The following EMC9 variants were observed in gnomAD, a reference collection of about 807,000 sequenced individuals.
The protein encoded by EMC9 is ER membrane protein complex subunit 9, also known as UPF0172 protein FAM158A.
A neutral mutation model predicts 25.0 loss-of-function variants in EMC9; 20 were observed. That is an observed-to-expected ratio of 0.80 (90% CI 0.56 to 1.16). EMC9 has a LOEUF of 1.16. EMC9 is among the 50% of genes most tolerant of loss of function. EMC9 has a pLI of 0.00. For missense variants in EMC9, 256 were observed against 268.7 expected (o/e 0.95, Z 0.33); for synonymous variants, 100 against 107.0 (o/e 0.93, Z 0.40).
rs2038001449 is a variant in EMC9, at chr14:24,139,623, A to AG, written c.276-10dup. The AG allele has an allele frequency of 1.9e-6, 3 of 1,613,186 alleles. No individual in the cohort carries two copies. The highest frequency in any genetic ancestry group is 4.5e-5 in the East Asian group (2 of 44,882). ...AGGCCAGGGGCCCAGGGCTGTGTAGAGGGAAGATCAGAGGAGTGAGGAGCC... is the reference window on the plus strand; with the variant it reads ...AGGCCAGGGGCCCAGGGCTGTGTAGAGGGGAAGATCAGAGGAGTGAGGAGCC... On this transcript the variant is annotated splice_polypyrimidine_tract_variant and intron_variant, in intron 3 of 5. Coordinates refer to ENST00000216799, the MANE Select transcript of EMC9 (RefSeq NM_016049.4). The surrounding 1 kb of genome is among the most constrained non-coding windows in gnomAD (Gnocchi z 4.6).
At position 24,139,985 on chromosome 14, in the gene EMC9, A is replaced by C; in HGVS notation, c.276-371T>G. On this transcript the variant is annotated intron_variant, in intron 3 of 5. Coordinates refer to ENST00000216799, the MANE Select transcript of EMC9 (RefSeq NM_016049.4). This position sits in a 1 kb window ranked among gnomAD's most constrained non-coding sequence, Gnocchi z 4.6. ...GTAATAAAACACTGGAAACAACCTC[A>C]ATGTTTAAAGTATTAAATAAATTAG... 1 of 395,670 alleles carries C rather than the reference A, an allele frequency of 2.5e-6. No individual in the cohort carries two copies. 24.5% of individuals were successfully genotyped at this position (395,670 alleles called of 1,614,324 possible). A position where few individuals can be genotyped will look rare whatever the true frequency, so the allele number is the denominator to read the frequency against.
At chr14:24,140,847 C>T in intron 3 of EMC9, 42 bp downstream of exon 3, 2 of 1,608,772 alleles carry the variant, frequency 1.2e-6, no homozygotes, top group Non-Finnish European at 1.7e-6. Flanking sequence ...AATCCCCAAC[C>T]CGCCATAATC....
chr14:24,141,232 C>A lies in EMC9; in HGVS notation c.73G>T (p.Ala25Ser). Residue 25 changes from alanine (A) to serine (S), a missense_variant, in exon 2 of 6, where the codon GCA becomes TCA. Physicochemically the swap from Ala to Ser is moderately conservative, Grantham distance 99. Coordinates refer to ENST00000216799, the MANE Select transcript of EMC9 (RefSeq NM_016049.4). The part of the protein sequence containing the change: ...CLHAARYPHA[A>S]VNGLFLAPAP... ...GGCGCCAAAAACAGCCCGTTGACTGCGGCGTGTGGGTACCGGGCAGCATGC... is the reference window on the plus strand; with the variant it reads ...GGCGCCAAAAACAGCCCGTTGACTGAGGCGTGTGGGTACCGGGCAGCATGC... 6.2e-7 allele frequency: 1 copy of A among 1,614,194 alleles called. No homozygotes were observed.
chr14:24,139,364 T>G lies in EMC9; in HGVS notation c.436A>C (p.Asn146His), dbSNP rs771693003. The part of the protein sequence containing the change: ...QGLRWVPKDK[N>H]LVMWRDWEES... ...TAGAGGGAGTGGGGTACTCACAAGT[T>G]CTTATCCTTAGGGACCCAGCGGAGA... The change falls in exon 5 of 6, where the codon AAC becomes CAC. Residue 146 changes from asparagine to histidine, a missense_variant. Transcript: ENST00000216799. This position sits in a 1 kb window ranked among gnomAD's most constrained non-coding sequence, Gnocchi z 4.6. 3.7e-6 allele frequency: 6 copies of G among 1,613,882 alleles called. No homozygotes were observed. Among genetic ancestry groups the G allele is most frequent in the African/African-American group, 2.7e-5 (2 of 74,874 alleles).
chr14:24,139,081 A>C lies in EMC9; in HGVS notation c.556T>G (p.Trp186Gly). The C allele has an allele frequency of 6.2e-7, 1 of 1,614,112 alleles. No individual in the cohort carries two copies. Among genetic ancestry groups the C allele is most frequent in the Non-Finnish European group, 8.5e-7 (1 of 1,180,042 alleles). ...DCHLDDIRQD[W>G]TNQRLNTQIT... The stretch of plus-strand genomic sequence containing the variant: ...TGAGTGTTGAGCCGCTGGTTGGTCC[A>C]GTCCTGCCGGATGTCATCAAGGTGG... The change falls in exon 6 of 6, where the codon TGG becomes GGG. Residue 186 changes from tryptophan (W) to glycine (G), a missense_variant. By Grantham distance (184) the Trp-to-Gly change is radical. Coordinates refer to ENST00000216799, the MANE Select transcript of EMC9 (RefSeq NM_016049.4). The surrounding 1 kb of genome is among the most constrained non-coding windows in gnomAD (Gnocchi z 4.6).
rs1332290470 is a variant in EMC9, at chr14:24,141,133, C to T, written c.172G>A (p.Val58Ile). 6 of 1,613,914 alleles carry T rather than the reference C, an allele frequency of 3.7e-6. No individual in the cohort carries two copies. The highest frequency in any genetic ancestry group is 5.1e-6 in the Non-Finnish European group (6 of 1,180,050). Residue 58 changes from valine to isoleucine, a missense_variant, in exon 2 of 6, where the codon GTC becomes ATC. Val to Ile is a conservative substitution (Grantham distance 29, BLOSUM62 3). Transcript: ENST00000216799. ...TGGTTGAGGGCGACCTCCAACATGA[C>T]GGACAGGGCCAGGTGGCTGTGGAAG... Reference protein sequence around the residue: ...PLFHSHLALSVMLEVALNQVD... With the variant: ...PLFHSHLALSIMLEVALNQVD...
In EMC9 at chr14:24,139,992, A is replaced by C. The variant is rs945164023; in HGVS notation, c.276-378T>G. 62 of 387,104 alleles carry C rather than the reference A, an allele frequency of 1.6e-4. No individual in the cohort carries two copies. Among genetic ancestry groups the C allele is most frequent in the Non-Finnish European group, 2.6e-4 (51 of 197,070 alleles). The allele number at this position is 387,104 out of a possible 1,614,324, so 24.0% of individuals were successfully genotyped here. ...AACACTGGAAACAACCTCAATGTTTAAAGTATTAAATAAATTAGAGTACAT... is the reference window on the plus strand; with the variant it reads ...AACACTGGAAACAACCTCAATGTTTCAAGTATTAAATAAATTAGAGTACAT... On this transcript the variant is annotated intron_variant, in intron 3 of 5. Coordinates refer to ENST00000216799, the MANE Select transcript of EMC9 (RefSeq NM_016049.4). This position sits in a 1 kb window ranked among gnomAD's most constrained non-coding sequence, Gnocchi z 4.6.
rs2139060267 is a variant in EMC9 at position 24,141,503 on chromosome 14, C to G, written c.-78G>C. On this transcript the variant is annotated 5_prime_UTR_variant, in exon 1 of 6. Coordinates refer to ENST00000216799, the MANE Select transcript of EMC9 (RefSeq NM_016049.4). ...CGCCGGCTCCCGGCGCCCTGGGTCC[C>G]GGAGTCCGCCCCCGGCCCAGTCCAG... 4.8e-6 allele frequency: 3 copies of G among 630,922 alleles called. No individual in the cohort carries two copies. Among genetic ancestry groups the G allele is most frequent in the South Asian group, 1.9e-5 (1 of 53,618 alleles). The allele number at this position is 630,922 out of a possible 1,614,324, so 39.1% of individuals were successfully genotyped here.
In EMC9 at chr14:24,139,280, C is replaced by A. The variant is rs1411386837; in HGVS notation, c.440+80G>T. On this transcript the variant is annotated intron_variant, in intron 5 of 5. Transcript: ENST00000216799. The surrounding 1 kb of genome is among the most constrained non-coding windows in gnomAD (Gnocchi z 4.6). ...AACAGAGATTGGGTCTAGAGAAAGACCCTTGGGGCAGGGCCAAGGACAGAG... is the reference window on the plus strand; with the variant it reads ...AACAGAGATTGGGTCTAGAGAAAGAACCTTGGGGCAGGGCCAAGGACAGAG... 8.7e-6 allele frequency: 14 copies of A among 1,600,382 alleles called. No individual in the cohort carries two copies. Among genetic ancestry groups the A allele is most frequent in the Non-Finnish European group, 1.0e-5 (12 of 1,170,734 alleles).
At chr14:24,141,411 C>T in intron 1 of EMC9, 27 bp downstream of exon 1, 1 of 1,173,084 alleles carries the variant, frequency 8.5e-7, no homozygotes, top group Non-Finnish European at 1.2e-6. Flanking sequence ...TCGGCACGCT[C>T]TTTGACCCTT....
At position 24,139,090 on chromosome 14, in the gene EMC9, G is replaced by T. The variant is rs140552029; in HGVS notation, c.547C>A (p.Arg183=). The T allele has an allele frequency of 6.2e-7, 1 of 1,614,096 alleles. No individual in the cohort carries two copies. Among genetic ancestry groups the T allele is most frequent in the Non-Finnish European group, 8.5e-7 (1 of 1,180,040 alleles). The change falls in exon 6 of 6, where the codon CGG becomes AGG. Residue 183 remains arginine, a synonymous_variant. Transcript: ENST00000216799. The surrounding 1 kb of genome is among the most constrained non-coding windows in gnomAD (Gnocchi z 4.6). ...AGCCGCTGGTTGGTCCAGTCCTGCC[G>T]GATGTCATCAAGGTGGCAGTCAAAG... The part of the protein sequence containing the change: ...VDFDCHLDDI[R]QDWTNQRLNT...
At position 24,141,320 on chromosome 14, in the gene EMC9, G is replaced by A. The variant is rs773819829; in HGVS notation, c.-12-4C>T. 3 of 1,613,566 alleles carry A rather than the reference G, an allele frequency of 1.9e-6. No homozygotes were observed. Among genetic ancestry groups the A allele is most frequent in the East Asian group, 4.5e-5 (2 of 44,884 alleles). On this transcript the variant is annotated splice_polypyrimidine_tract_variant and splice_region_variant and intron_variant, in intron 1 of 5. Coordinates refer to ENST00000216799, the MANE Select transcript of EMC9 (RefSeq NM_016049.4). ...CCTCCCCCATGGCGAGCGAGGCCTG[G>A]ACGGGAAGCAGCAAGCCGGATTAGT...
Position 24,139,144 on chromosome 14 carries a change from C to T in EMC9, c.493G>A (p.Glu165Lys). The T allele has an allele frequency of 1.2e-6, 2 of 1,614,206 alleles. No individual in the cohort carries two copies. The highest frequency in any genetic ancestry group is 1.7e-6 in the Non-Finnish European group (2 of 1,180,034). Reference sequence around the variant, plus strand: ...ACAAGGTGCTGGTGGGCCCGATCTTCCAGTAGAGCTCCCACCATCTGCCGT... The same window carrying T: ...ACAAGGTGCTGGTGGGCCCGATCTTTCAGTAGAGCTCCCACCATCTGCCGT... ...ESRQMVGALL[E>K]DRAHQHLVDF... Residue 165 changes from glutamate (E) to lysine (K), a missense_variant, in exon 6 of 6, where the codon GAA becomes AAA. Coordinates refer to ENST00000216799, the MANE Select transcript of EMC9 (RefSeq NM_016049.4). The surrounding 1 kb of genome is among the most constrained non-coding windows in gnomAD (Gnocchi z 4.6).
intron 3 of EMC9, 94 bp downstream of exon 3, chr14:24,140,795 G>GCCCCCCCCCC: frequency 2.9e-6 from 3 of 1,030,706 alleles, no homozygotes; most frequent in Non-Finnish European, 4.4e-6. Context: ...GTGCGCCCCC[G>GCCCCCCCCCC]CCCCGCCCAC....
Position 24,141,448 on chromosome 14 carries a change from C to T in EMC9, c.-23G>A. 2.2e-6 allele frequency: 2 copies of T among 896,234 alleles called. No individual in the cohort carries two copies. The highest frequency in any genetic ancestry group is 3.4e-6 in the Non-Finnish European group (2 of 586,380). The allele number at this position is 896,234 out of a possible 1,614,324, so 55.5% of individuals were successfully genotyped here. A position where few individuals can be genotyped will look rare whatever the true frequency, so the allele number is the denominator to read the frequency against. On this transcript the variant is annotated 5_prime_UTR_variant, in exon 1 of 6. Coordinates refer to ENST00000216799, the MANE Select transcript of EMC9 (RefSeq NM_016049.4). ...CCCGTGCCCTCTCACTTCGGTTCGG[C>T]GACAACGCTAACTCGACTCGCAGGT...
Position 24,139,539 on chromosome 14 carries a change from C to A in EMC9, c.345+6G>T, listed in dbSNP as rs200413601. 6.2e-6 allele frequency: 10 copies of A among 1,613,176 alleles called. No individual in the cohort carries two copies. In the African/African-American group the frequency reaches 9.3e-5, roughly 15 times the overall value. Reference sequence around the variant, plus strand: ...TCACCTCCCCACCCAGAAACCCAAGCCTCACCATAATAAGTACTGCATCAG... The same window carrying A: ...TCACCTCCCCACCCAGAAACCCAAGACTCACCATAATAAGTACTGCATCAG... On this transcript the variant is annotated splice_donor_region_variant and intron_variant, in intron 4 of 5. Transcript: ENST00000216799. This position sits in a 1 kb window ranked among gnomAD's most constrained non-coding sequence, Gnocchi z 4.6.
Position 24,141,240 on chromosome 14 carries a change from G to A in EMC9, c.65C>T (p.Pro22Leu). ...AAACAGCCCGTTGACTGCGGCGTGT[G>A]GGTACCGGGCAGCATGCAGGCACAT... ...VKMCLHAARY[P>L]HAAVNGLFLA... Residue 22 changes from proline (P) to leucine (L), a missense_variant, in exon 2 of 6, where the codon CCA (proline) becomes CTA (leucine). By Grantham distance (98) the Pro-to-Leu change is moderately conservative (BLOSUM62 -3). Coordinates refer to ENST00000216799, the MANE Select transcript of EMC9 (RefSeq NM_016049.4). 2.5e-6 allele frequency: 4 copies of A among 1,614,200 alleles called. No individual in the cohort carries two copies. Among genetic ancestry groups the A allele is most frequent in the Non-Finnish European group, 3.4e-6 (4 of 1,180,034 alleles).
In EMC9 at chr14:24,141,190, C is replaced by T. The variant is rs1594364586; in HGVS notation, c.115G>A (p.Glu39Lys). 1 of 1,614,124 alleles carries T rather than the reference C, an allele frequency of 6.2e-7. No homozygotes were observed. The highest frequency in any genetic ancestry group is 8.5e-7 in the Non-Finnish European group (1 of 1,180,038). The change falls in exon 2 of 6, where the codon GAA becomes AAA. Residue 39 changes from glutamate (E) to lysine (K), a missense_variant. Coordinates refer to ENST00000216799, the MANE Select transcript of EMC9 (RefSeq NM_016049.4). The part of the protein sequence containing the change: ...LFLAPAPRSG[E>K]CLCLTDCVPL... ...ACACAGTCGGTGAGGCACAGGCATT[C>T]TCCAGACCGCGGCGCTGGCGCCAAA...
At chr14:24,141,036 G>C (rs2038047018) in intron 2 of EMC9, 71 bp from the exon 3 acceptor site, 10 of 1,613,444 alleles carry the variant, frequency 6.2e-6, no homozygotes, top group Non-Finnish European at 8.5e-6. Flanking sequence ...TGCTGCCAAG[G>C]GACCGGGGAT....
Sources: gnomAD v4.1 joint callset for allele counts on GRCh38, gnomAD v4.1.1 for gene constraint, Gnocchi (gnomAD v3.1) non-coding constraint, MANE v1.5 for transcripts, NCBI Gene and HGNC (gene_info 2026-07-23, HGNC 2026-07-21) for gene names.